The following TES variants were observed in gnomAD, a reference collection of about 807,000 sequenced individuals.
The protein encoded by TES is testin.
Under a neutral mutation model 48.2 loss-of-function variants are expected in TES, and 41 were observed. The observed-to-expected ratio is 0.85, with a 90% CI of 0.66 to 1.10. The LOEUF is 1.10. TES is among the 50% of genes least tolerant of loss of function. TES has a pLI of 0.00. For synonymous variants in TES, 162 were observed against 174.9 expected, an observed-to-expected ratio of 0.93 and a Z score of 0.58; for missense variants, 463 against 515.1, an observed-to-expected ratio of 0.90 and a Z score of 0.98.
intron 1 of TES, among the ~76,000 whole-genome samples, chr7:116,219,872 TG>T (rs1799536651): frequency 6.6e-6 from 1 of 152,202 alleles, no homozygotes. Context: ...GAGTAGTTTT[TG>T]GTCATTCTGA....
At chr7:116,215,888 C>CA (rs1799488388) in intron 1 of TES, among the ~76,000 whole-genome samples, 1 of 152,014 alleles carries the variant, frequency 6.6e-6, no homozygotes, top group Admixed American at 6.5e-5. Flanking sequence ...TAAAAAGAAA[C>CA]AAAAAACAAA....
Position 116,249,049 on chromosome 7 carries a change from A to T in TES, c.143A>T (p.Gln48Leu), listed in dbSNP as rs1339545318. The change falls in exon 3 of 7, where the codon CAA becomes CTA. Residue 48 changes from glutamine (Q) to leucine (L), a missense_variant. By Grantham distance (113) the Gln-to-Leu change is moderately radical. Coordinates refer to ENST00000358204, the MANE Select transcript of TES (RefSeq NM_015641.4). The stretch of plus-strand genomic sequence containing the variant: ...ATATGTCGTAACTGCAAGTGTGGCC[A>T]AGAAGAGCATGATGTCCTCTTGAGC... ...RKICRNCKCG[Q>L]EEHDVLLSNE... 1.2e-6 allele frequency: 2 copies of T among 1,609,174 alleles called. No homozygotes were observed. The highest frequency in any genetic ancestry group is 1.7e-6 in the Non-Finnish European group (2 of 1,176,718).
intron 1 of TES, among the ~76,000 whole-genome samples, chr7:116,215,330 C>G (rs1304876590): frequency 6.6e-6 from 1 of 152,110 alleles, no homozygotes; most frequent in Non-Finnish European, 1.5e-5. Flanking sequence ...TCAACACTTT[C>G]ACTCATTTTT....
chr7:116,210,772 C>G, intron 1 of TES, 38 bp downstream of exon 1: 5 of 1,235,502 alleles, frequency 4.0e-6, no homozygotes, highest in Non-Finnish European at 5.1e-6. Flanking sequence ...GCTGCTTCAC[C>G]TGCGCGGGTC....
Position 116,252,424 on chromosome 7 carries a change from T to C in TES, c.1025T>C (p.Met342Thr). 6.2e-7 allele frequency: 1 copy of C among 1,614,216 alleles called. No individual in the cohort carries two copies. The highest frequency in any genetic ancestry group is 8.5e-7 in the Non-Finnish European group (1 of 1,180,028). ...DSILAGEIYVMVNDKPVCKPC... is the reference protein window; with the variant it reads ...DSILAGEIYVTVNDKPVCKPC... ...ATTCTAGCTGGGGAGATATACGTGA[T>C]GGTCAATGACAAGCCCGTGTGCAAG... Residue 342 changes from methionine to threonine, a missense_variant, in exon 6 of 7, where the codon ATG (methionine) becomes ACG (threonine). Physicochemically the swap from Met to Thr is moderately conservative, Grantham distance 81 (BLOSUM62 -1). Transcript: ENST00000358204.
Position 116,257,569 on chromosome 7 carries a change from G to T in TES, c.*87G>T, listed in dbSNP as rs185938135. The T allele has an allele frequency of 9.4e-6, 11 of 1,166,992 alleles. No homozygotes were observed. The East Asian group carries it at 3.1e-4, about 33-fold the overall frequency. 72.3% of individuals were successfully genotyped at this position (1,166,992 alleles called of 1,614,324 possible). ...AAATGCAATTTGAAAAAAATAAAACGCAAAAAAAGAAACTGTAAAGGAAAC... is the reference window on the plus strand; with the variant it reads ...AAATGCAATTTGAAAAAAATAAAACTCAAAAAAAGAAACTGTAAAGGAAAC... On this transcript the variant is annotated 3_prime_UTR_variant, in exon 7 of 7. Coordinates refer to ENST00000358204, the MANE Select transcript of TES (RefSeq NM_015641.4).
Position 116,252,303 on chromosome 7 carries a change from T to TTA in TES, c.919-13_919-12dup. The TTA allele has an allele frequency of 6.3e-7, 1 of 1,591,836 alleles. No homozygotes were observed. On this transcript the variant is annotated splice_polypyrimidine_tract_variant and intron_variant, in intron 5 of 6. Transcript: ENST00000358204. ...ATTATATAAAAATCCATCTTTATTTTTATCTTCTTCCTAGCTGATATTCAG... is the reference window on the plus strand; with the variant it reads ...ATTATATAAAAATCCATCTTTATTTTTATATCTTCTTCCTAGCTGATATTCAG...
At chr7:116,220,021 C>T (rs1026844326) in intron 1 of TES, among the ~76,000 whole-genome samples, 7 of 151,980 alleles carry the variant, frequency 4.6e-5, no homozygotes, top group South Asian at 2.1e-4. Context: ...ATGTGACTTC[C>T]GTGTTAAACG....
chr7:116,226,820 G>T (rs141248211), intron 1 of TES, among the ~76,000 whole-genome samples: 1 of 152,214 alleles, frequency 6.6e-6, no homozygotes, highest in East Asian at 1.9e-4. Context: ...GAGGCCTCTG[G>T]GCCCCAGGTT....
At chr7:116,229,523 C>T (rs1344649290) in intron 1 of TES, among the ~76,000 whole-genome samples, 1 of 152,058 alleles carries the variant, frequency 6.6e-6, no homozygotes, top group Admixed American at 6.5e-5. Context: ...GAACTGAAAC[C>T]AAGAGGAGTT....
intron 2 of TES, among the ~76,000 whole-genome samples, chr7:116,247,195 A>G (rs756853342): frequency 1.3e-5 from 2 of 152,058 alleles, no homozygotes; most frequent in African/African-American, 4.8e-5. Flanking sequence ...AAGGAAATGG[A>G]GGGCAAAAGA....
At chr7:116,230,330 G>A (rs568965085) in intron 1 of TES, among the ~76,000 whole-genome samples, 1 of 152,210 alleles carries the variant, frequency 6.6e-6, no homozygotes, top group Non-Finnish European at 1.5e-5. Flanking sequence ...GAAAGGTAGA[G>A]GGGCACTTTT....
intron 5 of TES, 22 bp from the exon 6 acceptor site, chr7:116,252,295 CT>C: frequency 6.3e-7 from 1 of 1,587,914 alleles, no homozygotes; most frequent in Non-Finnish European, 8.6e-7. Context: ...AAAAATCCAT[CT>C]TTATTTTTAT....
chr7:116,211,883 A>G (rs931213280), intron 1 of TES, among the ~76,000 whole-genome samples: 2 of 152,194 alleles, frequency 1.3e-5, no homozygotes, highest in Non-Finnish European at 2.9e-5. Flanking sequence ...AAAAACTCGA[A>G]ATGAGAAAAC....
At chr7:116,214,446 A>G (rs2116568700) in intron 1 of TES, among the ~76,000 whole-genome samples, 1 of 152,322 alleles carries the variant, frequency 6.6e-6, no homozygotes, top group East Asian at 1.9e-4. Flanking sequence ...TTCTTGCTGC[A>G]AGAACCATTG....
At chr7:116,226,620 A>G (rs143751734) in intron 1 of TES, among the ~76,000 whole-genome samples, 1 of 152,362 alleles carries the variant, frequency 6.6e-6, no homozygotes, top group East Asian at 1.9e-4. Context: ...CTTTAGGTTT[A>G]TTAAAATAAT....
intron 2 of TES, among the ~76,000 whole-genome samples, chr7:116,240,311 T>C (rs1286719907): frequency 6.6e-6 from 1 of 152,194 alleles, no homozygotes; most frequent in Non-Finnish European, 1.5e-5. Flanking sequence ...GTTTTACAAA[T>C]AGTGATACAA....
At chr7:116,246,004 C>T (rs956871555) in intron 2 of TES, among the ~76,000 whole-genome samples, 3 of 152,116 alleles carry the variant, frequency 2.0e-5, no homozygotes, top group African/African-American at 7.2e-5. Flanking sequence ...ATTCAATTAC[C>T]TCCTACCACA....
chr7:116,250,623 G>A, intron 4 of TES, 127 bp downstream of exon 4: 1 of 737,780 alleles, frequency 1.4e-6, no homozygotes, highest in Middle Eastern at 3.1e-4. Context: ...GGAATAAATA[G>A]GATTTAGATT....
Sources: allele counts gnomAD v4.1 joint callset (sites outside exome capture counted in the v4.1 genomes callset), GRCh38; gene constraint gnomAD v4.1.1; transcripts MANE v1.5; gene names NCBI Gene and HGNC (gene_info 2026-07-23, HGNC 2026-07-21).